PDZK1IP1: variants seen among roughly 807,000 people sequenced by gnomAD.
The protein encoded by PDZK1IP1 is PDZK1 interacting protein 1, also known as PDZK1-interacting protein 1.
In PDZK1IP1, 9 loss-of-function variants were observed where a neutral mutation model predicts 14.7. The observed-to-expected ratio is 0.61, with a 90% confidence interval of 0.37 to 1.07. The LOEUF (loss-of-function observed/expected upper bound fraction) is 1.07. Ranked by LOEUF, PDZK1IP1 falls within the 50% of genes least tolerant of loss-of-function variation. The pLI, the probability that PDZK1IP1 is intolerant of heterozygous loss-of-function variation, is 0.01. For missense variants in PDZK1IP1, 152 were observed against 148.7 expected, an observed-to-expected ratio of 1.02 and a Z score of -0.11; for synonymous variants, 70 against 61.2, an observed-to-expected ratio of 1.14 and a Z score of -0.67.
Position 47,187,415 on chromosome 1 carries a change from A to T in PDZK1IP1, c.80T>A (p.Leu27His). 6.2e-7 allele frequency: 1 copy of T among 1,612,592 alleles called. No individual in the cohort carries two copies. The highest frequency in any genetic ancestry group is 1.1e-5 in the South Asian group (1 of 91,062). Residue 27 changes from leucine to histidine, a missense_variant, in exon 2 of 4, where the codon CTT (leucine) becomes CAT (histidine). Coordinates refer to ENST00000294338, the MANE Select transcript of PDZK1IP1 (RefSeq NM_005764.4). ...PASCQQGLGN[L>H]QPWMQGLIAV... ...GATAAGGCCCTGCATCCAGGGCTGA[A>T]GGTTCCCCAGGCCTAACAAAGGGAG...
At chr1:47,185,435 C>G in intron 2 of PDZK1IP1, 1 of 305,774 alleles carries the variant, frequency 3.3e-6, no homozygotes, top group East Asian at 8.1e-5. Context: ...GCAGTGGGCA[C>G]AGATGTGGTT....
intron 1 of PDZK1IP1, among the ~76,000 whole-genome samples, chr1:47,188,643 C>T (rs919044085): frequency 1.3e-5 from 2 of 152,168 alleles, no homozygotes; most frequent in Non-Finnish European, 2.9e-5. Context: ...CAAAAGCTCT[C>T]CTGCTGCAGT....
intron 3 of PDZK1IP1, among the ~76,000 whole-genome samples, 168 bp downstream of exon 3, chr1:47,184,834 C>T (rs1372155485): frequency 6.6e-6 from 1 of 151,034 alleles, no homozygotes; most frequent in Non-Finnish European, 1.5e-5. Flanking sequence ...ACAGGGGCTG[C>T]ATTTTCCCCA....
intron 2 of PDZK1IP1, 110 bp downstream of exon 2, chr1:47,187,209 A>ACC: frequency 1.4e-6 from 1 of 739,260 alleles, no homozygotes; most frequent in Non-Finnish European, 2.4e-6. Context: ...CTTGAGCCTC[A>ACC]GGGGGAGGAT....
Position 47,189,884 on chromosome 1 carries a change from G to T in PDZK1IP1, c.49C>A (p.Pro17Thr). The change falls in exon 1 of 4, where the codon CCT (proline) becomes ACT (threonine). Residue 17 changes from proline (P) to threonine (T), a missense_variant. Transcript: ENST00000294338. ...LILGLLTAVP[P>T]ASCQQGLGNL... ...GAGCTACCTTGCTGACAGCTGGCAG[G>T]TGGCACTGCCGTGAGCAGGCCCAGA... The T allele has an allele frequency of 3.1e-6, 5 of 1,596,584 alleles. No homozygotes were observed. The highest frequency in any genetic ancestry group is 4.2e-6 in the Non-Finnish European group (5 of 1,178,470).
chr1:47,184,313 A>G (rs1424712296), intron 3 of PDZK1IP1, among the ~76,000 whole-genome samples: 2 of 120,828 alleles, frequency 1.7e-5, no homozygotes, highest in African/African-American at 6.3e-5. Flanking sequence ...TCCCCCACTG[A>G]CACCATGCTC....
At chr1:47,186,707 A>G (rs1477281392) in intron 2 of PDZK1IP1, among the ~76,000 whole-genome samples, 1 of 151,782 alleles carries the variant, frequency 6.6e-6, no homozygotes, top group East Asian at 1.9e-4. Flanking sequence ...CCTTCCCTCA[A>G]CTGCAGCGCT....
chr1:47,185,622 T>C (rs1031445184), intron 2 of PDZK1IP1, among the ~76,000 whole-genome samples: 3 of 152,140 alleles, frequency 2.0e-5, no homozygotes, highest in African/African-American at 2.4e-5. Context: ...CTCATTTCCT[T>C]AGACATCCCA....
chr1:47,189,431 G>T (rs1430720550), intron 1 of PDZK1IP1, among the ~76,000 whole-genome samples: 2 of 152,316 alleles, frequency 1.3e-5, no homozygotes, highest in African/African-American at 4.8e-5. Context: ...CATCCATTCA[G>T]GCAGAGCAGG....
intron 2 of PDZK1IP1, 165 bp from the exon 3 acceptor site, chr1:47,185,262 G>T (rs1046876417): frequency 6.5e-6 from 4 of 613,920 alleles, no homozygotes; most frequent in Non-Finnish European, 1.2e-5. Flanking sequence ...CACCCATGGG[G>T]TCTCTCACTT....
Position 47,184,994 on chromosome 1 carries a change from C to A in PDZK1IP1, c.272+8G>T, listed in dbSNP as rs1280075615. ...GCACAGACCGGGCAGCCCTGCCCTG[C>A]ACCTCACCTGAAACTGGCCGCCATC... is the stretch of plus-strand genomic sequence containing the variant. On this transcript the variant is annotated splice_region_variant and intron_variant, in intron 3 of 3. Transcript: ENST00000294338. 4 of 1,608,070 alleles carry A rather than the reference C, an allele frequency of 2.5e-6. No homozygotes were observed. Among genetic ancestry groups the A allele is most frequent in the Non-Finnish European group, 3.4e-6 (4 of 1,175,336 alleles).
chr1:47,189,818 C>G, intron 1 of PDZK1IP1, 48 bp downstream of exon 1: 1 of 1,447,746 alleles, frequency 6.9e-7, no homozygotes, highest in Non-Finnish European at 9.3e-7. Context: ...AGAACACCAC[C>G]TGTCCACCCC....
At chr1:47,186,291 A>G (rs913220834) in intron 2 of PDZK1IP1, among the ~76,000 whole-genome samples, 1 of 151,340 alleles carries the variant, frequency 6.6e-6, no homozygotes, top group African/African-American at 2.4e-5. Context: ...CTGGGCAACA[A>G]GAGCAAAACT....
chr1:47,187,531 C>T, intron 1 of PDZK1IP1, 104 bp from the exon 2 acceptor site: 1 of 859,164 alleles, frequency 1.2e-6, no homozygotes, highest in Non-Finnish European at 1.9e-6. Flanking sequence ...TGCTGAAGGC[C>T]CTCAGCCAGC....
At chr1:47,186,081 C>T (rs1288956775) in intron 2 of PDZK1IP1, among the ~76,000 whole-genome samples, 1 of 152,120 alleles carries the variant, frequency 6.6e-6, no homozygotes, top group Non-Finnish European at 1.5e-5. Flanking sequence ...GAGGCTGAGG[C>T]AGGCGGATCA....
intron 1 of PDZK1IP1, among the ~76,000 whole-genome samples, chr1:47,189,131 C>T (rs1467727106): frequency 7.1e-6 from 1 of 139,908 alleles, no homozygotes; most frequent in Non-Finnish European, 1.5e-5. Flanking sequence ...GAAGCAGACA[C>T]ACATAAGAGC....
rs568268980 is a variant in PDZK1IP1 at position 47,183,970 on chromosome 1, G to A, written c.*1C>T. ...TCTTGGGGTTGGAGCCACAGAGAAG[G>A]TTACATCGGGGTGCTGCGGACCTTG... On this transcript the variant is annotated 3_prime_UTR_variant, in exon 4 of 4. Coordinates refer to ENST00000294338, the MANE Select transcript of PDZK1IP1 (RefSeq NM_005764.4). 8.8e-6 allele frequency: 14 copies of A among 1,593,684 alleles called. No homozygotes were observed. The East Asian group carries it at 2.7e-4, about 31-fold the overall frequency.
chr1:47,185,141 C>A, intron 2 of PDZK1IP1, 44 bp from the exon 3 acceptor site: 5 of 1,451,870 alleles, frequency 3.4e-6, no homozygotes, highest in East Asian at 2.3e-5. Context: ...TGGGGCCCCC[C>A]TCGTCCAAGC....
chr1:47,189,997 G>C lies in PDZK1IP1; in HGVS notation c.-65C>G. On this transcript the variant is annotated 5_prime_UTR_variant, in exon 1 of 4. Transcript: ENST00000294338. ...TCTGGGCTCCTGGAGCTGCTGTGGA[G>C]TCTATTGGTGTCCGCCTGAAATCAA... is the stretch of plus-strand genomic sequence containing the variant. The C allele has an allele frequency of 7.9e-7, 1 of 1,265,972 alleles. No homozygotes were observed. The highest frequency in any genetic ancestry group is 1.1e-6 in the Non-Finnish European group (1 of 933,500). 78.4% of individuals were successfully genotyped at this position (1,265,972 alleles called of 1,614,324 possible).
Sources: gnomAD v4.1 joint callset for allele counts (sites outside exome capture counted in the v4.1 genomes callset) on GRCh38, gnomAD v4.1.1 for gene constraint, MANE v1.5 for transcripts, NCBI Gene and HGNC (gene_info 2026-07-23, HGNC 2026-07-21) for gene names.